MCTP1: variants seen among roughly 807,000 people sequenced by gnomAD.
MCTP1 encodes the protein multiple C2 and transmembrane domain-containing protein 1.
MCTP1 carries 69 observed loss-of-function variants against 120.6 expected under a neutral mutation model. The observed-to-expected ratio is 0.57, with a 90% CI of 0.47 to 0.70. MCTP1 has a LOEUF of 0.70. Among genes scored for constraint, MCTP1 ranks in the 30% least tolerant of loss-of-function variants. The pLI is 0.00. For synonymous variants in MCTP1, 529 were observed against 493.1 expected (o/e 1.07, Z -0.96); for missense variants, 1,203 against 1,248.8 (o/e 0.96, Z 0.55).
chr5:95,159,507 T>TA (rs1278400380), intron 1 of MCTP1, among the ~76,000 whole-genome samples: 1 of 152,194 alleles, frequency 6.6e-6, no homozygotes, highest in Non-Finnish European at 1.5e-5. Context: ...GAAGTGCCCA[T>TA]AATGCATGTA....
chr5:94,917,544 C>T (rs1810392222), intron 8 of MCTP1, among the ~76,000 whole-genome samples: 1 of 152,126 alleles, frequency 6.6e-6, no homozygotes, highest in African/African-American at 2.4e-5. Flanking sequence ...GTATGTGCCC[C>T]ATGTGATTCT....
At chr5:94,766,315 C>T (rs1425637865) in intron 19 of MCTP1, among the ~76,000 whole-genome samples, 1 of 152,134 alleles carries the variant, frequency 6.6e-6, no homozygotes, top group African/African-American at 2.4e-5. Flanking sequence ...AAATGTGGCA[C>T]ATATACACCA....
chr5:94,901,805 A>G (rs928252089), intron 10 of MCTP1, among the ~76,000 whole-genome samples: 6 of 152,170 alleles, frequency 3.9e-5, no homozygotes, highest in Non-Finnish European at 7.3e-5. Flanking sequence ...TCTAGATGAA[A>G]CAGTCTTGTG....
chr5:95,257,126 T>C (rs1757970927), intron 1 of MCTP1, among the ~76,000 whole-genome samples: 1 of 152,216 alleles, frequency 6.6e-6, no homozygotes, highest in African/African-American at 2.4e-5. Context: ...ATTTCAATAC[T>C]GGTAAGGACA....
chr5:95,006,031 C>G (rs965074119), intron 2 of MCTP1, among the ~76,000 whole-genome samples: 15 of 152,070 alleles, frequency 9.9e-5, no homozygotes, highest in African/African-American at 3.6e-4. Context: ...ATTTAACATG[C>G]ACATCTTTGG....
At chr5:94,748,869 C>T (rs1461542854) in intron 19 of MCTP1, among the ~76,000 whole-genome samples, 1 of 152,122 alleles carries the variant, frequency 6.6e-6, no homozygotes, top group African/African-American at 2.4e-5. Flanking sequence ...AGGATATTAC[C>T]TTGACTGGAC....
chr5:94,997,498 T>G (rs546267267), intron 2 of MCTP1, among the ~76,000 whole-genome samples: 1 of 152,220 alleles, frequency 6.6e-6, no homozygotes, highest in African/African-American at 2.4e-5. Flanking sequence ...GAGTTCATAT[T>G]CTGTACAACT....
At chr5:95,161,654 G>A (rs1410233959) in intron 1 of MCTP1, among the ~76,000 whole-genome samples, 2 of 151,906 alleles carry the variant, frequency 1.3e-5, no homozygotes, top group African/African-American at 4.8e-5. Flanking sequence ...ATTCCACATT[G>A]TAAACATATA....
At chr5:94,744,088 A>G (rs1739683735) in intron 19 of MCTP1, among the ~76,000 whole-genome samples, 3 of 151,908 alleles carry the variant, frequency 2.0e-5, no homozygotes, top group African/African-American at 7.3e-5. Flanking sequence ...CTCCCACCTC[A>G]GCTTCCGGAG....
At chr5:94,877,521 G>A (rs1170471552) in intron 12 of MCTP1, 1 of 151,874 alleles carries the variant, frequency 6.6e-6, no homozygotes, top group East Asian at 1.9e-4. Flanking sequence ...TTTTTTGGGG[G>A]TGAAAAGCCA....
At position 94,827,813 on chromosome 5, in the gene MCTP1, G is replaced by A. The variant is rs534364895; in HGVS notation, c.2437-28681C>T. Among the ~76,000 whole-genome samples, 17 of 151,576 alleles carry A rather than the reference G, an allele frequency of 1.1e-4. No homozygotes were observed. The East Asian group carries it at 1.4e-3, about 12-fold the overall frequency. ...TTCTTGTGGTGTGTTTTTCAGCTCCGTCAGGTCATTTATGTTCTTCTCTAA... is the reference window on the plus strand; with the variant it reads ...TTCTTGTGGTGTGTTTTTCAGCTCCATCAGGTCATTTATGTTCTTCTCTAA... On this transcript the variant is annotated intron_variant, in intron 17 of 22. Coordinates refer to ENST00000515393, the MANE Select transcript of MCTP1 (RefSeq NM_024717.7).
intron 17 of MCTP1, among the ~76,000 whole-genome samples, chr5:94,839,334 C>T (rs1164603419): frequency 6.6e-6 from 1 of 152,120 alleles, no homozygotes; most frequent in African/African-American, 2.4e-5. Flanking sequence ...ACATTACTCC[C>T]AGATTCTGCT....
At chr5:95,283,409 A>G (rs563706598) in intron 1 of MCTP1, among the ~76,000 whole-genome samples, 32 of 152,360 alleles carry the variant, frequency 2.1e-4, no homozygotes, top group African/African-American at 7.7e-4. Flanking sequence ...CACATGTGCC[A>G]TAATTTACCT....
chr5:94,954,183 C>CATATATATAT lies in MCTP1; in HGVS notation c.839-832_839-823dup, dbSNP rs67189314. The stretch of plus-strand genomic sequence containing the variant: ...GCATATATATACATATATATATATG[C>CATATATATAT]ATATATATATATATATATATATGCC... On this transcript the variant is annotated intron_variant, in intron 2 of 22. Transcript: ENST00000515393. 1.4e-3 allele frequency among the ~76,000 whole-genome samples: 82 copies of CATATATATAT among 57,766 alleles called. 7 individuals are homozygous for CATATATATAT. Among genetic ancestry groups the CATATATATAT allele is most frequent in the Middle Eastern group, 0.011 (1 of 94 alleles). 37.9% of individuals were successfully genotyped at this position (57,766 alleles called of 152,430 possible). A position where few individuals can be genotyped will look rare whatever the true frequency, so the allele number is the denominator to read the frequency against.
At chr5:94,994,957 T>A (rs933770145) in intron 2 of MCTP1, among the ~76,000 whole-genome samples, 20 of 152,192 alleles carry the variant, frequency 1.3e-4, no homozygotes, top group African/African-American at 4.3e-4. Flanking sequence ...CCAGGGGCCC[T>A]TGGGCCTTTG....
intron 11 of MCTP1, among the ~76,000 whole-genome samples, chr5:94,890,034 T>G (rs1168173105): frequency 6.6e-6 from 1 of 152,082 alleles, no homozygotes; most frequent in Admixed American, 6.6e-5. Context: ...AGAGACAGGG[T>G]CTAACTCAGG....
chr5:95,210,730 G>C (rs571984144), intron 1 of MCTP1, among the ~76,000 whole-genome samples: 1 of 151,238 alleles, frequency 6.6e-6, no homozygotes, highest in African/African-American at 2.4e-5. Flanking sequence ...ATGTTAGCTG[G>C]TTATTTTGCT....
At chr5:95,139,970 C>G (rs1240112385) in intron 1 of MCTP1, among the ~76,000 whole-genome samples, 1 of 152,118 alleles carries the variant, frequency 6.6e-6, no homozygotes, top group East Asian at 1.9e-4. Context: ...AAAAGTGTAG[C>G]TTAAAGAGAA....
intron 17 of MCTP1, among the ~76,000 whole-genome samples, chr5:94,809,431 T>C (rs76062499): frequency 0.037 from 5,555 of 152,112 alleles, 366 homozygotes; most frequent in African/African-American, 0.13. Flanking sequence ...CCCTGCAATG[T>C]TGTGAATTTA....
Sources: gnomAD v4.1 joint callset for allele counts (sites outside exome capture counted in the v4.1 genomes callset) on GRCh38, gnomAD v4.1.1 for gene constraint, MANE v1.5 for transcripts, NCBI Gene and HGNC (gene_info 2026-07-23, HGNC 2026-07-21) for gene names.